The following RUNX1 variants were observed in gnomAD, a reference collection of about 807,000 sequenced individuals.
RUNX1 encodes the protein runt-related transcription factor 1.
In RUNX1, 19 loss-of-function variants were observed where a neutral mutation model predicts 42.8. The observed-to-expected ratio is 0.44, with a 90% CI of 0.31 to 0.65. The LOEUF is 0.65. Among genes scored for constraint, RUNX1 ranks in the 30% least tolerant of loss-of-function variants. The probability of loss-of-function intolerance (pLI) is 0.07; values close to 1 mark genes in which losing one functional copy is unlikely to be tolerated. For synonymous variants in RUNX1, 271 were observed against 289.4 expected (o/e 0.94, Z 0.64); for missense variants, 528 against 672.0 (o/e 0.79, Z 2.37).
At chr21:34,976,308 C>T (rs2058801584) in intron 2 of RUNX1, among the ~76,000 whole-genome samples, 1 of 152,038 alleles carries the variant, frequency 6.6e-6, no homozygotes, top group Admixed American at 6.6e-5. Context: ...TGAAAAATTT[C>T]CTCAAATATA....
chr21:34,820,424 C>T (rs901071360), intron 7 of RUNX1, among the ~76,000 whole-genome samples: 24 of 152,014 alleles, frequency 1.6e-4, no homozygotes, highest in African/African-American at 5.1e-4. Flanking sequence ...CCGAGGCGGG[C>T]GGATCACCTG....
At chr21:34,948,990 G>A (rs928299193) in intron 2 of RUNX1, among the ~76,000 whole-genome samples, 9 of 151,948 alleles carry the variant, frequency 5.9e-5, no homozygotes, top group African/African-American at 1.7e-4. Flanking sequence ...TCCTGACCTC[G>A]TAATCTGCCC....
chr21:34,886,758 C>T (rs1395067606), intron 4 of RUNX1, 85 bp downstream of exon 4: 4 of 1,599,076 alleles, frequency 2.5e-6, no homozygotes, highest in East Asian at 4.5e-5. Flanking sequence ...AATCCGGCCC[C>T]GCCCGCCTGG....
At chr21:34,943,751 T>C (rs1601595386) in intron 2 of RUNX1, among the ~76,000 whole-genome samples, 3 of 152,330 alleles carry the variant, frequency 2.0e-5, no homozygotes, top group Admixed American at 1.3e-4. Flanking sequence ...TATTGGCAAC[T>C]GGATTTTGCA....
intron 6 of RUNX1, among the ~76,000 whole-genome samples, chr21:34,854,960 T>C (rs2057475856): frequency 6.6e-6 from 1 of 152,128 alleles, no homozygotes; most frequent in Non-Finnish European, 1.5e-5. Flanking sequence ...AATAACTATA[T>C]TTAATTAAAC....
Position 34,792,688 on chromosome 21 carries a change from G to GAA in RUNX1, c.968-79_968-78insTT. Reference sequence around the variant, plus strand: ...CACAGCTCTTCCCTCTGCCCCAGGGGGCTACCCAGGATGATACCGCCTAGG... The same window carrying GAA: ...CACAGCTCTTCCCTCTGCCCCAGGGGAAGCTACCCAGGATGATACCGCCTAGG... On this transcript the variant is annotated intron_variant, in intron 8 of 8. Coordinates refer to ENST00000675419, the MANE Select transcript of RUNX1 (RefSeq NM_001754.5). The surrounding 1 kb of genome is among the most constrained non-coding windows in gnomAD (Gnocchi z 6.9). 2.2e-6 allele frequency: 3 copies of GAA among 1,387,176 alleles called. No individual in the cohort carries two copies. The highest frequency in any genetic ancestry group is 2.9e-6 in the Non-Finnish European group (3 of 1,026,356). 85.9% of individuals were successfully genotyped at this position (1,387,176 alleles called of 1,614,324 possible).
At chr21:35,007,569 C>A (rs1183675247) in intron 2 of RUNX1, among the ~76,000 whole-genome samples, 1 of 152,192 alleles carries the variant, frequency 6.6e-6, no homozygotes, top group Non-Finnish European at 1.5e-5. Context: ...CCCTTTGTCT[C>A]CCTGCAGTGT....
intron 8 of RUNX1, chr21:34,798,065 T>C: frequency 2.2e-6 from 1 of 456,726 alleles, no homozygotes; most frequent in Non-Finnish European, 4.4e-6. Context: ...CTAAGGCATC[T>C]GGTGAAACCT....
chr21:34,829,624 A>C (rs1323714491), intron 7 of RUNX1, among the ~76,000 whole-genome samples: 1 of 152,232 alleles, frequency 6.6e-6, no homozygotes, highest in African/African-American at 2.4e-5. Context: ...CTATTATATA[A>C]ATTAATTTCT....
chr21:34,902,098 A>G (rs945952315), intron 2 of RUNX1, among the ~76,000 whole-genome samples: 1 of 152,242 alleles, frequency 6.6e-6, no homozygotes, highest in African/African-American at 2.4e-5. Flanking sequence ...CCTGTTCCTC[A>G]TGTCCCACAT....
rs558985955 is a variant in RUNX1, at chr21:34,793,708, T to C, written c.968-1098A>G. 2.2e-4 allele frequency among the ~76,000 whole-genome samples: 11 copies of C among 51,156 alleles called. No individual in the cohort carries two copies. The East Asian group carries it at 4.4e-3, about 21-fold the overall frequency. The allele number at this position is 51,156 out of a possible 152,430, so 33.6% of individuals were successfully genotyped here. On this transcript the variant is annotated intron_variant, in intron 8 of 8. Coordinates refer to ENST00000675419, the MANE Select transcript of RUNX1 (RefSeq NM_001754.5). ...GAGCCACAGAGCAAATATTTATTCTTTTTTTTTTTTTTGGAGACAAAGTCT... is the reference window on the plus strand; with the variant it reads ...GAGCCACAGAGCAAATATTTATTCTCTTTTTTTTTTTTGGAGACAAAGTCT...
In RUNX1 at chr21:34,973,593, T is replaced by A. The variant is rs374829491; in HGVS notation, c.58+75249A>T. On this transcript the variant is annotated intron_variant, in intron 2 of 8. Transcript: ENST00000675419. Reference sequence around the variant, plus strand: ...CAATCCATTCTTCATGCATTCATCATTACAATCCTCCTATAAATCTGCTTG... The same window carrying A: ...CAATCCATTCTTCATGCATTCATCAATACAATCCTCCTATAAATCTGCTTG... Among the ~76,000 whole-genome samples the A allele has an allele frequency of 1.4e-4, 22 of 152,348 alleles. No homozygotes were observed. In the East Asian group the frequency reaches 2.7e-3, roughly 19 times the overall value.
chr21:35,005,085 T>A (rs2059074241), intron 2 of RUNX1, among the ~76,000 whole-genome samples: 1 of 152,190 alleles, frequency 6.6e-6, no homozygotes, highest in East Asian at 1.9e-4. Flanking sequence ...AGAGAAGGCA[T>A]AGGTAGATTT....
intron 2 of RUNX1, among the ~76,000 whole-genome samples, chr21:34,959,040 G>T (rs569824396): frequency 6.6e-6 from 1 of 151,268 alleles, no homozygotes; most frequent in Non-Finnish European, 1.5e-5. Context: ...TCACACTCTG[G>T]GGACTGTTGT....
rs189269088 is a variant in RUNX1 at position 34,808,428 on chromosome 21, G to A, written c.806-8966C>T. On this transcript the variant is annotated intron_variant, in intron 7 of 8. Transcript: ENST00000675419. ...CGCCTCTCCACCACTCCCTGCTTCC[G>A]GGACCCGTATTCATCACCTCGCCGG... is the stretch of plus-strand genomic sequence containing the variant. Among the ~76,000 whole-genome samples, 49 of 152,256 alleles carry A rather than the reference G, an allele frequency of 3.2e-4. 1 individual carries two copies. The East Asian group carries it at 8.5e-3, about 26-fold the overall frequency.
intron 7 of RUNX1, among the ~76,000 whole-genome samples, chr21:34,826,581 T>C (rs1454283220): frequency 1.3e-5 from 2 of 151,402 alleles, no homozygotes; most frequent in Non-Finnish European, 2.9e-5. Context: ...AGGACTCAGG[T>C]GTGTGCCACC....
intron 3 of RUNX1, among the ~76,000 whole-genome samples, chr21:34,891,272 C>A (rs1368408365): frequency 6.6e-6 from 1 of 152,102 alleles, no homozygotes; most frequent in African/African-American, 2.4e-5. Flanking sequence ...CCGATAAACC[C>A]CGAGTTTGAA....
chr21:34,948,099 T>TG (rs1569119254), intron 2 of RUNX1, among the ~76,000 whole-genome samples: 172 of 146,490 alleles, frequency 1.2e-3, no homozygotes, highest in African/African-American at 4.5e-3. Flanking sequence ...TTTTTTTTTT[T>TG]TGGGGGGGGG....
At chr21:34,950,041 T>C (rs1317216336) in intron 2 of RUNX1, among the ~76,000 whole-genome samples, 2 of 152,168 alleles carry the variant, frequency 1.3e-5, no homozygotes. Flanking sequence ...TTCACCAAAT[T>C]GAGTTAAAAT....
Sources: allele counts gnomAD v4.1 joint callset (sites outside exome capture counted in the v4.1 genomes callset), GRCh38; gene constraint gnomAD v4.1.1; non-coding constraint Gnocchi (gnomAD v3.1); transcripts MANE v1.5; gene names NCBI Gene and HGNC (gene_info 2026-07-23, HGNC 2026-07-21).